Variants in PCSK2 observed in about 807,000 individuals in gnomAD.
PCSK2 encodes proprotein convertase subtilisin/kexin type 2, also known as neuroendocrine convertase 2.
A neutral mutation model predicts 69.7 loss-of-function variants in PCSK2; 14 were observed. The ratio of observed to expected loss-of-function variants is 0.20; its 90% CI spans 0.13 to 0.31. PCSK2 has a LOEUF of 0.31. Ranked by LOEUF, PCSK2 falls within the 10% of genes least tolerant of loss-of-function variation. The pLI is 1.00. For synonymous variants in PCSK2, 307 were observed against 320.7 expected (o/e 0.96, Z 0.46); for missense variants, 544 against 842.5 (o/e 0.65, Z 4.39).
At chr20:17,425,330 C>T (rs143389869) in intron 6 of PCSK2, among the ~76,000 whole-genome samples, 297 of 152,190 alleles carry the variant, frequency 2.0e-3, no homozygotes, top group African/African-American at 6.7e-3. Flanking sequence ...ATTAAATAAA[C>T]GAATGCCAAA....
intron 8 of PCSK2, among the ~76,000 whole-genome samples, chr20:17,450,484 T>A (rs1278453927): frequency 1.3e-5 from 2 of 152,200 alleles, no homozygotes; most frequent in Non-Finnish European, 2.9e-5. Flanking sequence ...AACCTTTGTT[T>A]TCTGCACTTC....
chr20:17,461,117 G>A (rs1420509374), intron 10 of PCSK2, among the ~76,000 whole-genome samples: 4 of 152,114 alleles, frequency 2.6e-5, no homozygotes, highest in Non-Finnish European at 4.4e-5. Context: ...TGCAGTGAAT[G>A]AGTTAGCTCT....
chr20:17,462,861 A>T (rs1374073767), intron 10 of PCSK2, among the ~76,000 whole-genome samples: 1 of 152,256 alleles, frequency 6.6e-6, no homozygotes, highest in Non-Finnish European at 1.5e-5. Context: ...TTTTTTAATT[A>T]TTTAATAACT....
chr20:17,293,894 T>G (rs1301121864), intron 2 of PCSK2, among the ~76,000 whole-genome samples: 1 of 152,124 alleles, frequency 6.6e-6, no homozygotes, highest in Non-Finnish European at 1.5e-5. Context: ...TGCCTCTTGA[T>G]GGTCAATGTA....
chr20:17,479,460 G>A (rs2033352105), intron 11 of PCSK2: 4 of 528,262 alleles, frequency 7.6e-6, no homozygotes, highest in Non-Finnish European at 1.4e-5. Flanking sequence ...TGGGGGCGGA[G>A]CTACGCCTGT....
chr20:17,355,470 A>T (rs762956894), intron 2 of PCSK2, among the ~76,000 whole-genome samples: 1 of 152,184 alleles, frequency 6.6e-6, no homozygotes, highest in Non-Finnish European at 1.5e-5. Context: ...CCAAAATGGG[A>T]AGAGGCAATG....
intron 4 of PCSK2, among the ~76,000 whole-genome samples, chr20:17,363,929 A>C (rs2030496365): frequency 6.6e-6 from 1 of 152,166 alleles, no homozygotes; most frequent in Non-Finnish European, 1.5e-5. Flanking sequence ...AACTAATTCT[A>C]ACCACCATTC....
Position 17,349,609 on chromosome 20 carries a change from G to A in PCSK2, c.283-8718G>A, listed in dbSNP as rs146145343. Among the ~76,000 whole-genome samples, 555 of 152,010 alleles carry A rather than the reference G, an allele frequency of 3.7e-3. 7 individuals carry two copies. The highest frequency in any genetic ancestry group is 0.011 in the African/African-American group (456 of 41,440). ...CTAATCCTGTGTCCCATATGGATGC[G>A]TCCTCAAGCCCATCCATGGGTGTTA... On this transcript the variant is annotated intron_variant, in intron 2 of 11. Coordinates refer to ENST00000262545, the MANE Select transcript of PCSK2 (RefSeq NM_002594.5).
At chr20:17,281,007 G>A (rs987499462) in intron 2 of PCSK2, among the ~76,000 whole-genome samples, 56 of 152,220 alleles carry the variant, frequency 3.7e-4, no homozygotes, top group Admixed American at 7.8e-4. Flanking sequence ...CTGATCTCCC[G>A]CCATATTTGC....
chr20:17,456,590 A>C, intron 10 of PCSK2, 142 bp downstream of exon 10: 1 of 620,332 alleles, frequency 1.6e-6, no homozygotes, highest in South Asian at 1.9e-5. Context: ...TCTGCTGTGC[A>C]TTTCTAAGTG....
intron 1 of PCSK2, among the ~76,000 whole-genome samples, chr20:17,257,670 C>G (rs747609765): frequency 6.6e-6 from 1 of 152,074 alleles, no homozygotes; most frequent in Non-Finnish European, 1.5e-5. Flanking sequence ...TTGTGTATAT[C>G]GGGACATATC....
chr20:17,446,840 C>T (rs2032707236), intron 8 of PCSK2, among the ~76,000 whole-genome samples: 1 of 152,062 alleles, frequency 6.6e-6, no homozygotes, highest in Non-Finnish European at 1.5e-5. Flanking sequence ...AAAGTGTCTG[C>T]AAGTCTAAAT....
At chr20:17,416,280 A>C (rs2031997403) in intron 6 of PCSK2, among the ~76,000 whole-genome samples, 1 of 152,260 alleles carries the variant, frequency 6.6e-6, no homozygotes, top group South Asian at 2.1e-4. Context: ...TACCCATCTG[A>C]CAAAGGGCTA....
chr20:17,268,033 G>GTGTATATATATATATA (rs1555783164), intron 2 of PCSK2, among the ~76,000 whole-genome samples: 2 of 66,322 alleles, frequency 3.0e-5, no homozygotes, highest in South Asian at 4.1e-4. Context: ...TATCCAATGT[G>GTGTATATATATATATA]TATATATATA....
intron 2 of PCSK2, among the ~76,000 whole-genome samples, chr20:17,292,671 G>C (rs935192662): frequency 1.3e-5 from 2 of 152,080 alleles, no homozygotes; most frequent in Admixed American, 1.3e-4. Context: ...CAAGAATATG[G>C]CATATCTCAA....
chr20:17,363,419 A>G (rs1362938556), intron 4 of PCSK2, among the ~76,000 whole-genome samples: 1 of 152,238 alleles, frequency 6.6e-6, no homozygotes, highest in Admixed American at 6.5e-5. Context: ...TTATTTCTTA[A>G]GGGTCTACTA....
chr20:17,433,834 C>CT (rs2123345415), intron 7 of PCSK2, among the ~76,000 whole-genome samples: 2 of 98,496 alleles, frequency 2.0e-5, no homozygotes, highest in Non-Finnish European at 4.1e-5. Flanking sequence ...CTTCCCTCCT[C>CT]CTCCTCCCCC....
chr20:17,296,542 C>T (rs1988900516), intron 2 of PCSK2, among the ~76,000 whole-genome samples: 1 of 150,634 alleles, frequency 6.6e-6, no homozygotes, highest in Admixed American at 6.7e-5. Flanking sequence ...GCCTGTCAAA[C>T]TCAGCCTTCT....
At chr20:17,369,166 C>A in intron 4 of PCSK2, 74 bp from the exon 5 acceptor site, 1 of 1,377,394 alleles carries the variant, frequency 7.3e-7, no homozygotes, top group Non-Finnish European at 1.0e-6. Context: ...AGGGCACTTT[C>A]TTGGGCAGCT....
Sources: gnomAD v4.1 joint callset for allele counts (sites outside exome capture counted in the v4.1 genomes callset) on GRCh38, gnomAD v4.1.1 for gene constraint, MANE v1.5 for transcripts, NCBI Gene and HGNC (gene_info 2026-07-23, HGNC 2026-07-21) for gene names.